PLXNA2: variants seen among roughly 807,000 people sequenced by gnomAD.
The protein encoded by PLXNA2 is plexin-A2.
In PLXNA2, 91 loss-of-function variants were observed where a neutral mutation model predicts 193.5. The observed-to-expected ratio is 0.47, with a 90% CI of 0.40 to 0.56. The LOEUF is 0.56. PLXNA2 is among the 20% of genes least tolerant of loss of function. PLXNA2 has a pLI of 0.00. For synonymous variants in PLXNA2, 997 were observed against 1,027.3 expected (o/e 0.97, Z 0.56); for missense variants, 1,995 against 2,503.2 (o/e 0.80, Z 4.33).
intron 3 of PLXNA2, among the ~76,000 whole-genome samples, chr1:208,158,053 G>A (rs1668992871): frequency 6.6e-6 from 1 of 152,230 alleles, no homozygotes; most frequent in South Asian, 2.1e-4. Context: ...GACACCAGGG[G>A]AAAGAGAGTG....
intron 1 of PLXNA2, among the ~76,000 whole-genome samples, chr1:208,224,365 G>A (rs1367482796): frequency 6.6e-6 from 1 of 150,512 alleles, no homozygotes; most frequent in Non-Finnish European, 1.5e-5. Flanking sequence ...GGGTGAGGGG[G>A]TGGGGAGCAG....
chr1:208,054,355 G>A, intron 14 of PLXNA2, 66 bp downstream of exon 14: 1 of 1,091,000 alleles, frequency 9.2e-7, no homozygotes, highest in Non-Finnish European at 1.4e-6. Context: ...GGCTTCCTGG[G>A]AGGAGTCTGG....
chr1:208,234,899 T>C (rs1671806126), intron 1 of PLXNA2, among the ~76,000 whole-genome samples: 1 of 152,172 alleles, frequency 6.6e-6, no homozygotes, highest in African/African-American at 2.4e-5. Context: ...CTCACGGCAA[T>C]GCACTTACCC....
At chr1:208,242,509 C>G (rs978308207) in intron 1 of PLXNA2, among the ~76,000 whole-genome samples, 1 of 152,170 alleles carries the variant, frequency 6.6e-6, no homozygotes, top group African/African-American at 2.4e-5. Context: ...ACTGATGCTG[C>G]CTTCATGTCC....
chr1:208,045,318 C>A, intron 18 of PLXNA2, 108 bp from the exon 19 acceptor site: 1 of 1,168,412 alleles, frequency 8.6e-7, no homozygotes, highest in Non-Finnish European at 1.2e-6. Flanking sequence ...AGTGCAAAAA[C>A]CAGGAAATGA....
rs560263792 is a variant in PLXNA2, at chr1:208,171,495, A to G, written c.1372-29032T>C. ...GGAGTTTAAGAAACTTGCCTAAGTT[A>G]CCTAACCTGCTCGCTAACCTCTGAT... On this transcript the variant is annotated intron_variant, in intron 3 of 31. Coordinates refer to ENST00000367033, the MANE Select transcript of PLXNA2 (RefSeq NM_025179.4). Among the ~76,000 whole-genome samples, 32 of 152,316 alleles carry G rather than the reference A, an allele frequency of 2.1e-4. No homozygotes were observed. The East Asian group carries it at 5.8e-3, about 28-fold the overall frequency.
At chr1:208,209,130 A>G (rs1251351892) in intron 3 of PLXNA2, among the ~76,000 whole-genome samples, 1 of 152,224 alleles carries the variant, frequency 6.6e-6, no homozygotes, top group Non-Finnish European at 1.5e-5. Context: ...GAACCTCTAC[A>G]GCAAGTGAGG....
In PLXNA2 at chr1:208,025,148, T is replaced by A. The variant is rs1664304032; in HGVS notation, c.*2095A>T. The A allele has an allele frequency of 6.6e-6, 1 of 152,648 alleles. No individual in the cohort carries two copies. The highest frequency in any genetic ancestry group is 1.5e-5 in the Non-Finnish European group (1 of 68,050). 9.5% of individuals were successfully genotyped at this position (152,648 alleles called of 1,614,324 possible). On this transcript the variant is annotated 3_prime_UTR_variant, in exon 32 of 32. Coordinates refer to ENST00000367033, the MANE Select transcript of PLXNA2 (RefSeq NM_025179.4). ...ACAGCAAGTTTCCTGAGTATTTTGC[T>A]GAATGCTTTTCTCTTCCCATTTGTC...
At chr1:208,192,220 C>T (rs553452580) in intron 3 of PLXNA2, among the ~76,000 whole-genome samples, 1 of 152,202 alleles carries the variant, frequency 6.6e-6, no homozygotes, top group Non-Finnish European at 1.5e-5. Context: ...TCTGGGCCCA[C>T]TGGCTCCTCT....
At chr1:208,128,708 T>G (rs1571948210) in intron 4 of PLXNA2, among the ~76,000 whole-genome samples, 1 of 144,184 alleles carries the variant, frequency 6.9e-6, no homozygotes, top group Non-Finnish European at 1.5e-5. Context: ...TTTTTTTTTT[T>G]TTTTTTTTTT....
intron 3 of PLXNA2, among the ~76,000 whole-genome samples, chr1:208,149,265 A>G (rs1668684822): frequency 6.6e-6 from 1 of 150,998 alleles, no homozygotes; most frequent in Non-Finnish European, 1.5e-5. Flanking sequence ...TTGTATGTAT[A>G]TGATGTGTGT....
chr1:208,201,440 T>C (rs549287630), intron 3 of PLXNA2, among the ~76,000 whole-genome samples: 41 of 152,296 alleles, frequency 2.7e-4, no homozygotes, highest in Middle Eastern at 3.4e-3. Context: ...CCAGCAGGAT[T>C]AGATTAGTTC....
At chr1:208,185,769 A>G (rs1026959584) in intron 3 of PLXNA2, among the ~76,000 whole-genome samples, 2 of 151,462 alleles carry the variant, frequency 1.3e-5, no homozygotes, top group African/African-American at 4.9e-5. Flanking sequence ...TAAGAGAGTA[A>G]TAAGCTTTGT....
At chr1:208,031,062 A>G in intron 29 of PLXNA2, 13 of 989,972 alleles carry the variant, frequency 1.3e-5, no homozygotes, top group Non-Finnish European at 1.6e-5. Flanking sequence ...TTGCAATGAA[A>G]TCCTCCCTGT....
chr1:208,227,447 A>G (rs1671548601), intron 1 of PLXNA2, among the ~76,000 whole-genome samples: 1 of 152,210 alleles, frequency 6.6e-6, no homozygotes, highest in Non-Finnish European at 1.5e-5. Flanking sequence ...CTCGAGGCCC[A>G]TGCTTTCCCT....
intron 1 of PLXNA2, among the ~76,000 whole-genome samples, chr1:208,240,149 C>T (rs1262600697): frequency 1.3e-5 from 2 of 152,182 alleles, no homozygotes; most frequent in African/African-American, 2.4e-5. Flanking sequence ...ACTCTTACCC[C>T]GCAAGGACCC....
At chr1:208,072,175 T>C (rs1021143016) in intron 12 of PLXNA2, among the ~76,000 whole-genome samples, 4 of 152,214 alleles carry the variant, frequency 2.6e-5, no homozygotes, top group Non-Finnish European at 5.9e-5. Context: ...ATGCGTAAGA[T>C]AATGTTAAAG....
intron 1 of PLXNA2, among the ~76,000 whole-genome samples, chr1:208,221,414 A>G (rs1292244128): frequency 5.8e-5 from 6 of 103,356 alleles, no homozygotes; most frequent in Non-Finnish European, 8.9e-5. Flanking sequence ...TTTTCAGGCC[A>G]GTAGTTCTAA....
Position 208,082,431 on chromosome 1 carries a change from G to A in PLXNA2, c.2376C>T (p.Asp792=). ...AVVWNGNFII[D]NPQDLKVHLY... ...GCTTACCTTTCAGGTCCTGAGGGTT[G>A]TCAATGATGAAATTGCCGTTCCACA... Residue 792 remains aspartate (D), a synonymous_variant, in exon 11 of 32, where the codon GAC becomes GAT. Coordinates refer to ENST00000367033, the MANE Select transcript of PLXNA2 (RefSeq NM_025179.4). This position sits in a 1 kb window ranked among gnomAD's most constrained non-coding sequence, Gnocchi z 4.2. The A allele has an allele frequency of 1.2e-6, 2 of 1,614,032 alleles. No individual in the cohort carries two copies. The highest frequency in any genetic ancestry group is 3.3e-4 in the Middle Eastern group (2 of 6,062).
Sources: allele counts gnomAD v4.1 joint callset (sites outside exome capture counted in the v4.1 genomes callset), GRCh38; gene constraint gnomAD v4.1.1; non-coding constraint Gnocchi (gnomAD v3.1); transcripts MANE v1.5; gene names NCBI Gene and HGNC (gene_info 2026-07-23, HGNC 2026-07-21).